The following DLG2 variants were observed in gnomAD, a reference collection of about 807,000 sequenced individuals.
DLG2 encodes disks large homolog 2.
In DLG2, 45 loss-of-function variants were observed where a neutral mutation model predicts 132.5. The ratio of observed to expected loss-of-function variants is 0.34; its 90% CI spans 0.27 to 0.44. The LOEUF (loss-of-function observed/expected upper bound fraction) is 0.44. DLG2 is among the 20% of genes least tolerant of loss of function. The pLI, the probability that DLG2 is intolerant of heterozygous loss-of-function variation, is 1.00. For missense variants in DLG2, 1,045 were observed against 1,196.9 expected, an observed-to-expected ratio of 0.87 and a Z score of 1.87; for synonymous variants, 424 against 419.6, an observed-to-expected ratio of 1.01 and a Z score of -0.13.
At chr11:83,850,780 C>T (rs80059168) in intron 16 of DLG2, among the ~76,000 whole-genome samples, 3,659 of 152,222 alleles carry the variant, frequency 0.024, 111 homozygotes, top group East Asian at 0.076. Context: ...CTACTGGGCT[C>T]GACCCTGGCT....
Position 84,394,778 on chromosome 11 carries a change from C to T in DLG2, c.519+139792G>A, listed in dbSNP as rs574213098. Among the ~76,000 whole-genome samples, 305 of 152,112 alleles carry T rather than the reference C, an allele frequency of 2.0e-3. 1 individual carries two copies. The highest frequency in any genetic ancestry group is 7.0e-3 in the African/African-American group (290 of 41,508). On this transcript the variant is annotated intron_variant, in intron 7 of 27. Coordinates refer to ENST00000376104, the MANE Select transcript of DLG2 (RefSeq NM_001142699.3). ...CTGGGATTACAGGTGTGCACCAGCA[C>T]GCCCAGCTAATTTTTGTATTTTCAG...
chr11:84,364,495 C>T (rs1463526644), intron 7 of DLG2, among the ~76,000 whole-genome samples: 1 of 152,106 alleles, frequency 6.6e-6, no homozygotes, highest in Non-Finnish European at 1.5e-5. Flanking sequence ...AACTGAATAC[C>T]CTTTATTTCC....
chr11:84,870,899 G>C (rs917587027), intron 6 of DLG2, among the ~76,000 whole-genome samples: 2 of 152,152 alleles, frequency 1.3e-5, no homozygotes, highest in South Asian at 4.1e-4. Flanking sequence ...AAACAAAAAC[G>C]AAGTGAACTA....
chr11:85,596,986 A>G (rs2079819687), intron 3 of DLG2, among the ~76,000 whole-genome samples: 1 of 152,222 alleles, frequency 6.6e-6, no homozygotes, highest in South Asian at 2.1e-4. Context: ...AAATCTATCC[A>G]TTCAAAGCTG....
chr11:83,505,671 T>C (rs1055089044), intron 21 of DLG2, among the ~76,000 whole-genome samples: 2 of 152,320 alleles, frequency 1.3e-5, no homozygotes, highest in South Asian at 2.1e-4. Flanking sequence ...CTACAGCCCA[T>C]GAATCAGTAT....
At chr11:84,956,253 G>A (rs1250399205) in intron 6 of DLG2, among the ~76,000 whole-genome samples, 1 of 152,138 alleles carries the variant, frequency 6.6e-6, no homozygotes, top group Non-Finnish European at 1.5e-5. Flanking sequence ...AACATTGGGG[G>A]AATGTTTGTA....
intron 2 of DLG2, among the ~76,000 whole-genome samples, chr11:85,613,674 C>A (rs984691335): frequency 3.3e-5 from 5 of 152,162 alleles, no homozygotes; most frequent in African/African-American, 1.2e-4. Context: ...CTCTGTAGAA[C>A]AGAACAAGCA....
chr11:83,744,714 C>T (rs2092778278), intron 18 of DLG2, among the ~76,000 whole-genome samples: 1 of 152,054 alleles, frequency 6.6e-6, no homozygotes, highest in African/African-American at 2.4e-5. Flanking sequence ...AATACTGACA[C>T]AGAAAATGCC....
rs528270491 is a variant in DLG2 at position 85,488,321 on chromosome 11, A to G, written c.40+110336T>C. ...GGAGAATCGCTTGAACCCAAGAGGC[A>G]GAGGTTGCAGTGAGCCGAGATCGCA... On this transcript the variant is annotated intron_variant, in intron 3 of 27. Transcript: ENST00000376104. Among the ~76,000 whole-genome samples the G allele has an allele frequency of 4.6e-5, 7 of 151,752 alleles. No homozygotes were observed. The South Asian group carries it at 1.5e-3, about 32-fold the overall frequency.
At chr11:83,472,522 G>A (rs2092173111) in intron 23 of DLG2, among the ~76,000 whole-genome samples, 1 of 152,100 alleles carries the variant, frequency 6.6e-6, no homozygotes, top group African/African-American at 2.4e-5. Flanking sequence ...TGCTATTAGT[G>A]CCCATACTCA....
intron 3 of DLG2, among the ~76,000 whole-genome samples, chr11:85,506,410 G>GAAACCA (rs2093934672): frequency 6.6e-6 from 1 of 152,114 alleles, no homozygotes; most frequent in Non-Finnish European, 1.5e-5. Flanking sequence ...ATTCTGGTAT[G>GAAACCA]TTGTGTCTTT....
At chr11:83,541,906 C>A in intron 19 of DLG2, 48 bp from the exon 20 acceptor site, 1 of 1,525,408 alleles carries the variant, frequency 6.6e-7, no homozygotes, top group Non-Finnish European at 8.8e-7. Flanking sequence ...TCTGGCAGCA[C>A]AGATTTAGGA....
chr11:84,840,924 C>T (rs1291580717), intron 6 of DLG2, among the ~76,000 whole-genome samples: 1 of 150,352 alleles, frequency 6.7e-6, no homozygotes, highest in Non-Finnish European at 1.5e-5. Context: ...ACCAACATGG[C>T]ACATGTATAA....
At chr11:84,074,439 C>T (rs111690317) in intron 10 of DLG2, among the ~76,000 whole-genome samples, 2,786 of 152,266 alleles carry the variant, frequency 0.018, 75 homozygotes, top group African/African-American at 0.059. Context: ...GCCCAAGCCA[C>T]TACCAACCAC....
At chr11:84,449,192 C>A (rs772045924) in intron 7 of DLG2, among the ~76,000 whole-genome samples, 12 of 151,868 alleles carry the variant, frequency 7.9e-5, no homozygotes, top group Non-Finnish European at 1.6e-4. Context: ...TTCACAGTAA[C>A]AAGTGATCTT....
chr11:84,939,449 C>A (rs1356455572), intron 6 of DLG2, among the ~76,000 whole-genome samples: 1 of 152,070 alleles, frequency 6.6e-6, no homozygotes, highest in African/African-American at 2.4e-5. Flanking sequence ...TAATAAATTT[C>A]TGTTGACTGC....
At chr11:83,740,892 C>T (rs919008743) in intron 18 of DLG2, among the ~76,000 whole-genome samples, 1 of 152,030 alleles carries the variant, frequency 6.6e-6, no homozygotes, top group African/African-American at 2.4e-5. Context: ...TTTTGTCCTG[C>T]ACAAAAATCC....
chr11:84,923,231 T>A, intron 6 of DLG2: 1 of 1,560,652 alleles, frequency 6.4e-7, no homozygotes, highest in Non-Finnish European at 8.7e-7. Context: ...CTCTGTCAGT[T>A]TGAAAATGCA....
chr11:85,138,536 T>C (rs1424209981), intron 5 of DLG2, among the ~76,000 whole-genome samples: 3 of 152,156 alleles, frequency 2.0e-5, no homozygotes, highest in Middle Eastern at 3.2e-3. Flanking sequence ...TCCACCTTCT[T>C]ATACCCTGAT....
Sources: allele counts gnomAD v4.1 joint callset (sites outside exome capture counted in the v4.1 genomes callset), GRCh38; gene constraint gnomAD v4.1.1; transcripts MANE v1.5; gene names NCBI Gene and HGNC (gene_info 2026-07-23, HGNC 2026-07-21).